The following RHBDD1 variants were observed in gnomAD, a reference collection of about 807,000 sequenced individuals.
RHBDD1 encodes rhomboid domain containing 1.
RHBDD1 carries 38 observed loss-of-function variants against 36.3 expected under a neutral mutation model. The ratio of observed to expected loss-of-function variants is 1.05; its 90% CI spans 0.81 to 1.37. The LOEUF (loss-of-function observed/expected upper bound fraction) is 1.37. Ranked by LOEUF, RHBDD1 falls within the 40% of genes most tolerant of loss-of-function variation. The pLI is 0.00. For missense variants in RHBDD1, 393 were observed against 377.6 expected (o/e 1.04, Z -0.34); for synonymous variants, 151 against 136.5 (o/e 1.11, Z -0.74).
chr2:226,885,896 G>A lies in RHBDD1; in HGVS notation c.566+18578G>A, dbSNP rs187187573. Among the ~76,000 whole-genome samples, 127 of 152,288 alleles carry A rather than the reference G, an allele frequency of 8.3e-4. 1 individual carries two copies. The highest frequency in any genetic ancestry group is 1.3e-3 in the Non-Finnish European group (87 of 68,032). ...TTTTTTCAATCCGATAACCGAGATG[G>A]CTGTTAAGTGACGAATGGGCAGGTA... On this transcript the variant is annotated intron_variant, in intron 5 of 8. Transcript: ENST00000392062.
chr2:226,954,692 T>C (rs1349703608), intron 8 of RHBDD1, among the ~76,000 whole-genome samples: 1 of 151,962 alleles, frequency 6.6e-6, no homozygotes, highest in Non-Finnish European at 1.5e-5. Flanking sequence ...ATAAAGGTAG[T>C]TAAATTTGGA....
At chr2:226,984,591 C>T (rs1046291589) in intron 8 of RHBDD1, among the ~76,000 whole-genome samples, 1 of 152,182 alleles carries the variant, frequency 6.6e-6, no homozygotes, top group Admixed American at 6.5e-5. Context: ...TCCATGACAG[C>T]CTTCGTGACC....
intron 5 of RHBDD1, among the ~76,000 whole-genome samples, chr2:226,900,336 C>G (rs1947482944): frequency 6.6e-6 from 1 of 152,200 alleles, no homozygotes; most frequent in African/African-American, 2.4e-5. Context: ...TGCAGAATCA[C>G]TGTGACCCTG....
intron 8 of RHBDD1, among the ~76,000 whole-genome samples, chr2:226,955,329 C>T (rs1286193975): frequency 6.6e-6 from 1 of 152,186 alleles, no homozygotes; most frequent in Non-Finnish European, 1.5e-5. Context: ...AGAAAGTTTG[C>T]GGTGTTTTGC....
In RHBDD1 at chr2:226,909,323, T is replaced by C. The variant is rs115220438; in HGVS notation, c.712+445T>C. On this transcript the variant is annotated intron_variant, in intron 7 of 8. Coordinates refer to ENST00000392062, the MANE Select transcript of RHBDD1 (RefSeq NM_001167608.3). ...CTCTAACAAATGCCATGTGACTTAA[T>C]GAGGAAGAATGTATTTTTCTAAGTA... is the stretch of plus-strand genomic sequence containing the variant. Among the ~76,000 whole-genome samples, 1,501 of 152,284 alleles carry C rather than the reference T, an allele frequency of 9.9e-3. 24 individuals carry two copies. The highest frequency in any genetic ancestry group is 0.034 in the African/African-American group (1,422 of 41,564).
chr2:226,924,868 G>T, intron 8 of RHBDD1, among the ~76,000 whole-genome samples: 1 of 152,226 alleles, frequency 6.6e-6, no homozygotes, highest in East Asian at 1.9e-4. Flanking sequence ...GCTACCAGGG[G>T]ATGGATGAGG....
intron 8 of RHBDD1, among the ~76,000 whole-genome samples, chr2:226,984,866 A>T (rs1425077708): frequency 6.7e-6 from 1 of 148,354 alleles, no homozygotes; most frequent in East Asian, 2.1e-4. Context: ...GCACAGTCAG[A>T]ATGAGAGCTA....
At chr2:226,820,176 A>G in the RHBDD1 span, among the ~76,000 whole-genome samples, 12 of 152,294 alleles carry the variant, frequency 7.9e-5, no homozygotes, top group South Asian at 2.5e-3. Flanking sequence ...TAAAAGGATA[A>G]AAGTAGTTTG....
chr2:226,987,353 T>G (rs112815658), intron 8 of RHBDD1, among the ~76,000 whole-genome samples: 1 of 150,898 alleles, frequency 6.6e-6, no homozygotes, highest in African/African-American at 2.4e-5. Context: ...AAAAAAAAAT[T>G]GGGATGGGAG....
chr2:226,988,702 C>T lies in RHBDD1; in HGVS notation c.857-6729C>T, dbSNP rs1181839507. On this transcript the variant is annotated intron_variant, in intron 8 of 8. Transcript: ENST00000392062. The stretch of plus-strand genomic sequence containing the variant: ...TTTTCATACTTTTTCTATCATTTTA[C>T]AGACCTCATATACATAGATATAGAT... 4 of 963,770 alleles carry T rather than the reference C, an allele frequency of 4.2e-6. No homozygotes were observed. In the African/African-American group the frequency reaches 7.0e-5, roughly 17 times the overall value. The allele number at this position is 963,770 out of a possible 1,614,324, so 59.7% of individuals were successfully genotyped here. A position where few individuals can be genotyped will look rare whatever the true frequency, so the allele number is the denominator to read the frequency against.
At chr2:226,955,200 A>T (rs1304210595) in intron 8 of RHBDD1, among the ~76,000 whole-genome samples, 1 of 152,120 alleles carries the variant, frequency 6.6e-6, no homozygotes, top group Non-Finnish European at 1.5e-5. Flanking sequence ...ATGCAGTTGT[A>T]GTGTCAGAAG....
chr2:226,905,755 A>G (rs1459936488), intron 5 of RHBDD1, among the ~76,000 whole-genome samples: 5 of 152,154 alleles, frequency 3.3e-5, no homozygotes, highest in African/African-American at 1.2e-4. Flanking sequence ...GGCATTTCCA[A>G]ATAGTCCAGA....
At chr2:226,905,676 T>C (rs958697103) in intron 5 of RHBDD1, among the ~76,000 whole-genome samples, 1 of 152,152 alleles carries the variant, frequency 6.6e-6, no homozygotes, top group African/African-American at 2.4e-5. Flanking sequence ...ACCAGCTGGA[T>C]GATTTTCTTT....
intron 8 of RHBDD1, chr2:226,969,248 TTG>T (rs1056130674): frequency 6.6e-6 from 1 of 152,076 alleles, no homozygotes; most frequent in African/African-American, 2.4e-5. Flanking sequence ...TGTCTAAAAT[TTG>T]TGTTTTTAAG....
intron 4 of RHBDD1, among the ~76,000 whole-genome samples, chr2:226,866,140 G>C (rs912115393): frequency 6.6e-6 from 1 of 152,060 alleles, no homozygotes; most frequent in African/African-American, 2.4e-5. Context: ...GCGTGATCTC[G>C]GCTCACTGCA....
intron 3 of RHBDD1, among the ~76,000 whole-genome samples, chr2:226,844,791 A>G (rs978982656): frequency 6.6e-6 from 1 of 152,236 alleles, no homozygotes; most frequent in Non-Finnish European, 1.5e-5. Context: ...TTATGAGAGA[A>G]GAAACTGGCT....
intron 5 of RHBDD1, among the ~76,000 whole-genome samples, chr2:226,897,792 G>A (rs548778322): frequency 1.3e-4 from 20 of 152,208 alleles, no homozygotes; most frequent in African/African-American, 4.6e-4. Context: ...CCAACATGGC[G>A]AAACCCTGTC....
intron 4 of RHBDD1, among the ~76,000 whole-genome samples, chr2:226,866,048 G>T (rs960263555): frequency 6.6e-6 from 1 of 152,094 alleles, no homozygotes; most frequent in Non-Finnish European, 1.5e-5. Flanking sequence ...CATGGAGATG[G>T]GATTATCTTT....
intron 5 of RHBDD1, among the ~76,000 whole-genome samples, chr2:226,875,176 A>T (rs1244104600): frequency 2.0e-5 from 3 of 152,222 alleles, no homozygotes; most frequent in African/African-American, 7.2e-5. Context: ...CAAAGTAGGC[A>T]ATTAGTAAAT....
Sources: gnomAD v4.1 joint callset for allele counts (sites outside exome capture counted in the v4.1 genomes callset) on GRCh38, gnomAD v4.1.1 for gene constraint, MANE v1.5 for transcripts, NCBI Gene and HGNC (gene_info 2026-07-23, HGNC 2026-07-21) for gene names.